Variants in MTHFD1L observed in about 807,000 individuals in gnomAD.
The protein encoded by MTHFD1L is methylenetetrahydrofolate dehydrogenase (NADP+ dependent) 1 like.
MTHFD1L carries 81 observed loss-of-function variants against 119.5 expected under a neutral mutation model. The ratio of observed to expected loss-of-function variants is 0.68; its 90% CI spans 0.57 to 0.82. The LOEUF is 0.82. MTHFD1L is among the 40% of genes least tolerant of loss of function. The probability of loss-of-function intolerance (pLI) is 0.00; values close to 1 mark genes in which losing one functional copy is unlikely to be tolerated. For missense variants in MTHFD1L, 1,125 were observed against 1,253.4 expected, an observed-to-expected ratio of 0.90 and a Z score of 1.55; for synonymous variants, 430 against 475.2, an observed-to-expected ratio of 0.90 and a Z score of 1.24.
intron 20 of MTHFD1L, among the ~76,000 whole-genome samples, chr6:150,983,361 G>C (rs1011956394): frequency 2.6e-5 from 4 of 152,112 alleles, no homozygotes; most frequent in African/African-American, 7.2e-5. Context: ...AATCATCTTA[G>C]AATTTGTTTG....
At chr6:151,024,789 A>G (rs768010748) in intron 24 of MTHFD1L, among the ~76,000 whole-genome samples, 2 of 152,144 alleles carry the variant, frequency 1.3e-5, no homozygotes, top group Non-Finnish European at 2.9e-5. Flanking sequence ...AGAACATGCC[A>G]CTACACACCA....
intron 19 of MTHFD1L, among the ~76,000 whole-genome samples, chr6:150,966,170 T>C (rs1797185972): frequency 6.6e-6 from 1 of 152,148 alleles, no homozygotes; most frequent in African/African-American, 2.4e-5. Flanking sequence ...AGGAACTACC[T>C]GAGACTGGGT....
intron 12 of MTHFD1L, among the ~76,000 whole-genome samples, chr6:150,937,697 G>A (rs544678161): frequency 2.0e-5 from 3 of 152,204 alleles, no homozygotes; most frequent in Admixed American, 6.5e-5. Flanking sequence ...GTTTCCTACC[G>A]CCATGTGACC....
intron 20 of MTHFD1L, among the ~76,000 whole-genome samples, chr6:151,001,045 G>A (rs9478906): frequency 0.2 from 30,150 of 152,032 alleles, 3,072 homozygotes; most frequent in Middle Eastern, 0.29. Context: ...GATACGCCCC[G>A]TGCGCTCATA....
chr6:150,888,318 G>A (rs1782662533), intron 7 of MTHFD1L, among the ~76,000 whole-genome samples: 1 of 152,196 alleles, frequency 6.6e-6, no homozygotes. Flanking sequence ...TAACAGGCCA[G>A]TTTCAGCTAT....
chr6:150,922,845 A>G (rs546512616), intron 10 of MTHFD1L, among the ~76,000 whole-genome samples: 39 of 149,590 alleles, frequency 2.6e-4, no homozygotes, highest in Admixed American at 2.1e-3. Flanking sequence ...GGGTTTCACC[A>G]TTTTGGCCAG....
chr6:151,079,115 C>A (rs1380511231), intron 26 of MTHFD1L, among the ~76,000 whole-genome samples: 1 of 152,154 alleles, frequency 6.6e-6, no homozygotes, highest in Non-Finnish European at 1.5e-5. Flanking sequence ...CCAGCAGAAA[C>A]AAGCTGCAGA....
chr6:151,009,271 A>G (rs1781875800), intron 20 of MTHFD1L, among the ~76,000 whole-genome samples: 1 of 152,088 alleles, frequency 6.6e-6, no homozygotes, highest in African/African-American at 2.4e-5. Context: ...CCTTGGCTCA[A>G]CGCCTGTAAT....
At chr6:151,016,051 C>A (rs1053503120) in intron 24 of MTHFD1L, among the ~76,000 whole-genome samples, 1 of 152,178 alleles carries the variant, frequency 6.6e-6, no homozygotes, top group Non-Finnish European at 1.5e-5. Flanking sequence ...CGAGATCACA[C>A]CACTGCACTC....
At chr6:150,897,701 A>G (rs1784468922) in intron 7 of MTHFD1L, among the ~76,000 whole-genome samples, 1 of 152,222 alleles carries the variant, frequency 6.6e-6, no homozygotes. Flanking sequence ...TGTGTCCCAC[A>G]AAGAACAGGC....
At chr6:150,871,435 C>T (rs901303185) in intron 1 of MTHFD1L, among the ~76,000 whole-genome samples, 8 of 148,352 alleles carry the variant, frequency 5.4e-5, no homozygotes, top group African/African-American at 1.2e-4. Flanking sequence ...TCAAAATGGG[C>T]GTCAATCCTC....
chr6:150,963,449 A>G (rs1299076666), intron 18 of MTHFD1L, among the ~76,000 whole-genome samples: 1 of 152,248 alleles, frequency 6.6e-6, no homozygotes, highest in African/African-American at 2.4e-5. Context: ...CACAGCATAT[A>G]CTTCAAAACA....
chr6:150,952,639 C>T (rs762659134), intron 16 of MTHFD1L, among the ~76,000 whole-genome samples: 5 of 152,162 alleles, frequency 3.3e-5, no homozygotes, highest in Non-Finnish European at 7.3e-5. Flanking sequence ...AAGCAATTAT[C>T]CTGCCTCAGC....
rs901308039 is a variant in MTHFD1L at position 151,051,325 on chromosome 6, G to A, written c.2847+14208G>A. ...TGGAAGCTGCTTGACCACATTTTCC[G>A]CCCATGCACTGCCATTCTCATTTCA... On this transcript the variant is annotated intron_variant, in intron 26 of 27. Transcript: ENST00000367321. Among the ~76,000 whole-genome samples, 4 of 152,026 alleles carry A rather than the reference G, an allele frequency of 2.6e-5. No individual in the cohort carries two copies. In the East Asian group the frequency reaches 7.7e-4, roughly 29 times the overall value.
chr6:151,004,026 A>AG (rs1554277197), intron 20 of MTHFD1L, among the ~76,000 whole-genome samples: 2,330 of 142,414 alleles, frequency 0.016, 55 homozygotes, highest in African/African-American at 0.063. Flanking sequence ...AAAAAAAAAA[A>AG]AGAGAGAGAG....
chr6:151,037,790 G>T (rs1000589582), intron 26 of MTHFD1L, among the ~76,000 whole-genome samples: 11 of 152,128 alleles, frequency 7.2e-5, no homozygotes, highest in African/African-American at 2.7e-4. Flanking sequence ...GCCTTCCGTT[G>T]GTACCGTCAG....
chr6:150,961,342 A>T (rs1390213141), intron 18 of MTHFD1L, among the ~76,000 whole-genome samples: 2 of 152,122 alleles, frequency 1.3e-5, no homozygotes, highest in African/African-American at 4.8e-5. Flanking sequence ...GATCCACCCA[A>T]CTTGGCCTCC....
intron 26 of MTHFD1L, among the ~76,000 whole-genome samples, chr6:151,077,408 C>T (rs1306198662): frequency 6.6e-6 from 1 of 152,106 alleles, no homozygotes; most frequent in East Asian, 1.9e-4. Flanking sequence ...TTTGGGAGGC[C>T]AAGGCAGGTG....
At chr6:151,077,339 A>G (rs1267151801) in intron 26 of MTHFD1L, among the ~76,000 whole-genome samples, 4 of 152,250 alleles carry the variant, frequency 2.6e-5, no homozygotes, top group Non-Finnish European at 5.9e-5. Flanking sequence ...GAATGGCATC[A>G]GACTTTTCAA....
Sources: allele counts gnomAD v4.1 joint callset (sites outside exome capture counted in the v4.1 genomes callset), GRCh38; gene constraint gnomAD v4.1.1; transcripts MANE v1.5; gene names NCBI Gene and HGNC (gene_info 2026-07-23, HGNC 2026-07-21).